BMPR1B: variants seen among roughly 807,000 people sequenced by gnomAD.
BMPR1B encodes bone morphogenetic protein receptor type 1B.
Under a neutral mutation model 59.1 loss-of-function variants are expected in BMPR1B, and 12 were observed. The observed-to-expected ratio is 0.20, with a 90% confidence interval of 0.13 to 0.33. The LOEUF is 0.33. BMPR1B is among the 10% of genes least tolerant of loss of function. The probability of loss-of-function intolerance (pLI) is 1.00; values close to 1 mark genes in which losing one functional copy is unlikely to be tolerated. For missense variants in BMPR1B, 550 were observed against 610.9 expected (o/e 0.90, Z 1.05); for synonymous variants, 237 against 207.3 (o/e 1.14, Z -1.23).
intron 2 of BMPR1B, among the ~76,000 whole-genome samples, chr4:94,902,922 G>A (rs1268970686): frequency 6.6e-6 from 1 of 151,938 alleles, no homozygotes; most frequent in Non-Finnish European, 1.5e-5. Flanking sequence ...TGTTCTCCAA[G>A]TATGCTCTGT....
chr4:94,767,331 C>T (rs888760130), intron 1 of BMPR1B, among the ~76,000 whole-genome samples: 2 of 152,116 alleles, frequency 1.3e-5, no homozygotes, highest in Non-Finnish European at 2.9e-5. Flanking sequence ...AACATTGTCT[C>T]TAAATATTTT....
chr4:94,998,107 G>A (rs1303323242), intron 3 of BMPR1B, among the ~76,000 whole-genome samples: 1 of 152,082 alleles, frequency 6.6e-6, no homozygotes, highest in African/African-American at 2.4e-5. Context: ...TTTGAAGACT[G>A]GTTGAGTGTT....
At chr4:94,863,447 A>T (rs1726082768) in intron 1 of BMPR1B, among the ~76,000 whole-genome samples, 1 of 152,198 alleles carries the variant, frequency 6.6e-6, no homozygotes, top group Non-Finnish European at 1.5e-5. Flanking sequence ...GTAAAGTGGG[A>T]CAGTGAACAC....
chr4:95,007,144 C>T (rs1722902732), intron 3 of BMPR1B, among the ~76,000 whole-genome samples: 1 of 152,098 alleles, frequency 6.6e-6, no homozygotes, highest in Non-Finnish European at 1.5e-5. Flanking sequence ...ACAACAGCAA[C>T]AATACTTATG....
chr4:94,774,128 A>G lies in BMPR1B; in HGVS notation c.-183+16060A>G, dbSNP rs2055054221. On this transcript the variant is annotated intron_variant, in intron 1 of 12. Transcript: ENST00000515059. ...GGTATTTTCTAGATAACCCATACCA[A>G]ATTTTTAATCTCATCATGCTTCTGT... Among the ~76,000 whole-genome samples the G allele has an allele frequency of 2.0e-5, 3 of 152,152 alleles. 1 individual carries two copies. Among genetic ancestry groups the G allele is most frequent in the South Asian group, 4.1e-4 (2 of 4,820 alleles).
chr4:95,015,214 GA>G (rs1220121920), intron 3 of BMPR1B, among the ~76,000 whole-genome samples: 1 of 151,970 alleles, frequency 6.6e-6, no homozygotes, highest in Non-Finnish European at 1.5e-5. Context: ...ACGAAAGAAA[GA>G]AAAGAAAAAT....
chr4:95,053,884 A>G (rs575044158), intron 3 of BMPR1B, among the ~76,000 whole-genome samples: 115 of 152,318 alleles, frequency 7.5e-4, no homozygotes, highest in African/African-American at 2.4e-3. Context: ...ACAGAAATTA[A>G]GCCACTTAGA....
chr4:94,963,117 C>T (rs892933031), intron 2 of BMPR1B, among the ~76,000 whole-genome samples: 1 of 151,958 alleles, frequency 6.6e-6, no homozygotes, highest in African/African-American at 2.4e-5. Flanking sequence ...CATTTGTATA[C>T]CTTCTTTGGA....
intron 3 of BMPR1B, among the ~76,000 whole-genome samples, chr4:95,034,651 A>ATG (rs149639490): frequency 6.6e-6 from 1 of 151,452 alleles, no homozygotes; most frequent in Non-Finnish European, 1.5e-5. Flanking sequence ...TTATATATAT[A>ATG]TATATATGCT....
chr4:95,038,718 T>A (rs1725438963), intron 3 of BMPR1B, among the ~76,000 whole-genome samples: 1 of 152,222 alleles, frequency 6.6e-6, no homozygotes, highest in Admixed American at 6.5e-5. Flanking sequence ...TTGAATGTCC[T>A]TGCTTCTCTT....
chr4:95,047,140 T>A (rs1020645157), intron 3 of BMPR1B, among the ~76,000 whole-genome samples: 43 of 152,366 alleles, frequency 2.8e-4, no homozygotes, highest in African/African-American at 1.0e-3. Flanking sequence ...TTTCCCCTGC[T>A]ATTAACATTT....
intron 3 of BMPR1B, among the ~76,000 whole-genome samples, chr4:95,021,387 G>A (rs1723970198): frequency 6.6e-6 from 1 of 152,106 alleles, no homozygotes; most frequent in South Asian, 2.1e-4. Context: ...TTTTAAAGAA[G>A]GTTTTTAACC....
intron 2 of BMPR1B, among the ~76,000 whole-genome samples, chr4:94,914,448 G>A (rs1010401968): frequency 1.3e-5 from 2 of 152,170 alleles, no homozygotes; most frequent in Non-Finnish European, 2.9e-5. Flanking sequence ...AGTGATCAGA[G>A]TCACTCTGAA....
intron 2 of BMPR1B, among the ~76,000 whole-genome samples, chr4:94,881,017 C>T (rs903790798): frequency 1.3e-5 from 2 of 152,072 alleles, no homozygotes; most frequent in African/African-American, 4.8e-5. Context: ...GAAGTTTTAC[C>T]TTGCATAATA....
chr4:95,108,678 A>G (rs1731377064), intron 4 of BMPR1B, among the ~76,000 whole-genome samples: 1 of 152,104 alleles, frequency 6.6e-6, no homozygotes, highest in Non-Finnish European at 1.5e-5. Context: ...TCCACTGCTC[A>G]TGATATTCAC....
chr4:94,962,128 C>CTTCT (rs1730390696), intron 2 of BMPR1B, among the ~76,000 whole-genome samples: 1 of 100,640 alleles, frequency 9.9e-6, no homozygotes, highest in African/African-American at 4.9e-5. Flanking sequence ...TCCTTCTTTC[C>CTTCT]TTCCTTCCTT....
At chr4:95,037,363 A>T (rs560837477) in intron 3 of BMPR1B, among the ~76,000 whole-genome samples, 2 of 152,348 alleles carry the variant, frequency 1.3e-5, no homozygotes, top group East Asian at 1.9e-4. Flanking sequence ...TCCCTGGTAG[A>T]TGAAATGATG....
intron 2 of BMPR1B, among the ~76,000 whole-genome samples, chr4:94,991,627 A>G (rs1393363817): frequency 1.3e-5 from 2 of 152,192 alleles, no homozygotes; most frequent in Admixed American, 1.3e-4. Flanking sequence ...AGGGACATTT[A>G]AGGAATGGTA....
intron 2 of BMPR1B, among the ~76,000 whole-genome samples, chr4:94,881,909 TGAAAG>T (rs567695600): frequency 2.0e-5 from 3 of 152,258 alleles, no homozygotes; most frequent in South Asian, 2.1e-4. Context: ...GGTTTATAAG[TGAAAG>T]GAAAGACTTA....
Sources: gnomAD v4.1 joint callset for allele counts (sites outside exome capture counted in the v4.1 genomes callset) on GRCh38, gnomAD v4.1.1 for gene constraint, MANE v1.5 for transcripts, NCBI Gene and HGNC (gene_info 2026-07-23, HGNC 2026-07-21) for gene names.